Variants in EMC1 observed in about 807,000 individuals in gnomAD.
The protein encoded by EMC1 is ER membrane protein complex subunit 1, also known as KIAA0090.
A neutral mutation model predicts 128.8 loss-of-function variants in EMC1; 103 were observed. The ratio of observed to expected loss-of-function variants is 0.80; its 90% CI spans 0.68 to 0.94. The LOEUF is 0.94. Ranked by LOEUF, EMC1 falls within the 40% of genes least tolerant of loss-of-function variation. The pLI, the probability that EMC1 is intolerant of heterozygous loss-of-function variation, is 0.00. For synonymous variants in EMC1, 442 were observed against 490.4 expected (o/e 0.90, Z 1.30); for missense variants, 1,083 against 1,250.6 (o/e 0.87, Z 2.02).
Position 19,218,990 on chromosome 1 carries a change from A to AAAAAC in EMC1, c.*308_*312dup, listed in dbSNP as rs71716681. 91,507 of 212,926 alleles carry AAAAAC rather than the reference A, an allele frequency of 0.43. 20,968 individuals are homozygous for AAAAAC. Among genetic ancestry groups the AAAAAC allele is most frequent in the East Asian group, 0.69 (6,722 of 9,710 alleles). 13.2% of individuals were successfully genotyped at this position (212,926 alleles called of 1,614,324 possible). ...AAAATCAGCCGGAATTCTTATTAAAAAAAACAAAACAGAACATTCATGGAT... is the reference window on the plus strand; with the variant it reads ...AAAATCAGCCGGAATTCTTATTAAAAAAAACAAAACAAAACAGAACATTCATGGAT... On this transcript the variant is annotated 3_prime_UTR_variant, in exon 23 of 23. Transcript: ENST00000477853.
chr1:19,219,100 T>C lies in EMC1; in HGVS notation c.*203A>G. On this transcript the variant is annotated 3_prime_UTR_variant, in exon 23 of 23. Coordinates refer to ENST00000477853, the MANE Select transcript of EMC1 (RefSeq NM_015047.3). ...TCTCTGAGAGTGTCAGCTGAGAGAG[T>C]TCTGTCTCTCTCCATGTAGGATCCT... is the stretch of plus-strand genomic sequence containing the variant. 1 of 546,514 alleles carries C rather than the reference T, an allele frequency of 1.8e-6. No homozygotes were observed. The highest frequency in any genetic ancestry group is 3.3e-6 in the Non-Finnish European group (1 of 306,002). 33.9% of individuals were successfully genotyped at this position (546,514 alleles called of 1,614,324 possible). A position where few individuals can be genotyped will look rare whatever the true frequency, so the allele number is the denominator to read the frequency against.
chr1:19,239,739 A>G (rs2093592221), intron 8 of EMC1, 79 bp downstream of exon 8: 2 of 1,478,718 alleles, frequency 1.4e-6, no homozygotes, highest in South Asian at 2.4e-5. Context: ...ACGTTTCCAG[A>G]TTCAAAAGCA....
In EMC1 at chr1:19,239,842, C is replaced by T; in HGVS notation, c.930G>A (p.Leu310=). Residue 310 remains leucine, a synonymous_variant, in exon 8 of 23, where the codon CTG becomes CTA. Coordinates refer to ENST00000477853, the MANE Select transcript of EMC1 (RefSeq NM_015047.3). ...CCTGTGGGAAGTTTTTAAGCAAACT[C>T]AGCGTTCCATAATGGTACTGCAGCA... is the stretch of plus-strand genomic sequence containing the variant. The part of the protein sequence containing the change: ...YALLQYHYGT[L]SLLKNFPQTA... The T allele has an allele frequency of 1.2e-6, 2 of 1,613,976 alleles. No homozygotes were observed. Among genetic ancestry groups the T allele is most frequent in the Non-Finnish European group, 1.7e-6 (2 of 1,179,952 alleles).
intron 1 of EMC1, among the ~76,000 whole-genome samples, chr1:19,248,700 G>T (rs565247872): frequency 6.6e-6 from 1 of 151,936 alleles, no homozygotes; most frequent in African/African-American, 2.4e-5. Context: ...TTATAGGCGT[G>T]AGCCACCACG....
At position 19,219,492 on chromosome 1, in the gene EMC1, AGAT is replaced by A; in HGVS notation, c.2803-13_2803-11del. ...AACCATAGGCCACAACCTGGAAGGC[AGAT>A]GGAATAAGAATTAGGAAAGAAACAA... On this transcript the variant is annotated splice_polypyrimidine_tract_variant and intron_variant, in intron 22 of 22. Transcript: ENST00000477853. 1 of 1,614,062 alleles carries A rather than the reference AGAT, an allele frequency of 6.2e-7. No individual in the cohort carries two copies. The highest frequency in any genetic ancestry group is 8.5e-7 in the Non-Finnish European group (1 of 1,179,980).
At chr1:19,239,015 A>C (rs1238699390) in intron 9 of EMC1, among the ~76,000 whole-genome samples, 158 bp from the exon 10 acceptor site, 4 of 152,150 alleles carry the variant, frequency 2.6e-5, no homozygotes, top group Non-Finnish European at 5.9e-5. Flanking sequence ...ATAGCCCCAT[A>C]TGAAAGTAAG....
rs761543184 is a variant in EMC1 at position 19,243,683 on chromosome 1, C to T, written c.311G>A (p.Gly104Asp). ...AGTCTCCCAGGAACGCATGATTCGG[C>T]CTCCATTGGACACAGTGATCACATC... The part of the protein sequence containing the change: ...GQDVITVSNG[G>D]RIMRSWETNI... Residue 104 changes from glycine (G) to aspartate (D), a missense_variant, in exon 4 of 23, where the codon GGC (glycine) becomes GAC (aspartate). Gly to Asp is a moderately conservative substitution (Grantham distance 94). This residue lies in a region of EMC1 where 544 missense variants were observed against 572.4 expected (regional missense o/e 0.95). Coordinates refer to ENST00000477853, the MANE Select transcript of EMC1 (RefSeq NM_015047.3). 1.2e-6 allele frequency: 2 copies of T among 1,614,194 alleles called. No homozygotes were observed. Among genetic ancestry groups the T allele is most frequent in the South Asian group, 2.2e-5 (2 of 91,078 alleles).
At chr1:19,238,571 G>A (rs1345293529) in intron 10 of EMC1, among the ~76,000 whole-genome samples, 3 of 152,180 alleles carry the variant, frequency 2.0e-5, no homozygotes, top group Non-Finnish European at 4.4e-5. Context: ...GGGACGCTGA[G>A]GCCCAGAGGA....
chr1:19,244,858 T>C, intron 2 of EMC1, 48 bp downstream of exon 2: 1 of 1,608,398 alleles, frequency 6.2e-7, no homozygotes, highest in Non-Finnish European at 8.5e-7. Context: ...CAATGGTAAG[T>C]CTTTCATCCC....
intron 1 of EMC1, among the ~76,000 whole-genome samples, chr1:19,251,122 G>A (rs1036825121): frequency 2.0e-5 from 3 of 152,166 alleles, no homozygotes; most frequent in Admixed American, 1.3e-4. Context: ...CGAACCTGAC[G>A]AGGGAGGACG....
chr1:19,239,298 G>T lies in EMC1; in HGVS notation c.959C>A (p.Ala320Asp), dbSNP rs1263391055. The change falls in exon 9 of 23, where the codon GCC becomes GAC. Residue 320 changes from alanine to aspartate, a missense_variant. Ala to Asp is a moderately radical substitution (Grantham distance 126). This residue lies in a region of EMC1 where 544 missense variants were observed against 572.4 expected (regional missense o/e 0.95). Coordinates refer to ENST00000477853, the MANE Select transcript of EMC1 (RefSeq NM_015047.3). ...LSLLKNFPQT[A>D]LVSFATTGEK... ...CCCAGTGGTGGCAAAGCTCACTAGG[G>T]CAGTCTGGGGGAAAAGCAAGGCATC... 1 of 1,613,972 alleles carries T rather than the reference G, an allele frequency of 6.2e-7. No individual in the cohort carries two copies. Among genetic ancestry groups the T allele is most frequent in the African/African-American group, 1.3e-5 (1 of 74,934 alleles).
At position 19,224,625 on chromosome 1, in the gene EMC1, C is replaced by T. The variant is rs965463942; in HGVS notation, c.2203-1056G>A. Among the ~76,000 whole-genome samples the T allele has an allele frequency of 3.9e-5, 6 of 152,198 alleles. No homozygotes were observed. The South Asian group carries it at 8.3e-4, about 21-fold the overall frequency. ...CCAGCCACCATCAGCACCTGGATGA[C>T]CCCACAGCCTAAATGGTCTGCTTTC... is the stretch of plus-strand genomic sequence containing the variant. On this transcript the variant is annotated intron_variant, in intron 18 of 22. Transcript: ENST00000477853.
At chr1:19,247,254 G>A (rs1249812981) in intron 1 of EMC1, among the ~76,000 whole-genome samples, 2 of 152,202 alleles carry the variant, frequency 1.3e-5, no homozygotes, top group Non-Finnish European at 2.9e-5. Flanking sequence ...TGCCTAGGCT[G>A]GATTGAACTC....
At chr1:19,240,627 C>G (rs1185002928) in intron 6 of EMC1, 181 bp from the exon 7 acceptor site, 1 of 628,444 alleles carries the variant, frequency 1.6e-6, no homozygotes, top group Non-Finnish European at 2.7e-6. Flanking sequence ...TCCTGAGAGC[C>G]TTCAAAGTTG....
At chr1:19,232,600 T>G in intron 15 of EMC1, 24 bp downstream of exon 15, 7 of 1,613,622 alleles carry the variant, frequency 4.3e-6, no homozygotes, top group Non-Finnish European at 5.1e-6. Flanking sequence ...TGAGTCTGGC[T>G]CAAGTCAGAG....
rs764335549 is a variant in EMC1, at chr1:19,243,949, C to A, written c.286+1G>T. ...TGGAGACACGGGAGGACTCTGCTTA[C>A]CCTGTCCGTGCAGCAGCATGGCATC... On this transcript the variant is annotated splice_donor_variant, in intron 3 of 22. Transcript: ENST00000477853. LOFTEE classifies it high-confidence loss of function. 1 of 1,614,104 alleles carries A rather than the reference C, an allele frequency of 6.2e-7. No homozygotes were observed. Among genetic ancestry groups the A allele is most frequent in the South Asian group, 1.1e-5 (1 of 91,072 alleles).
At position 19,222,808 on chromosome 1, in the gene EMC1, C is replaced by G; in HGVS notation, c.2403G>C (p.Arg801=). 6 of 1,612,448 alleles carry G rather than the reference C, an allele frequency of 3.7e-6. No individual in the cohort carries two copies. The highest frequency in any genetic ancestry group is 5.1e-6 in the Non-Finnish European group (6 of 1,178,882). Residue 801 remains arginine, a synonymous_variant, in exon 20 of 23, where the codon CGG becomes CGC. Transcript: ENST00000477853. ...VVYQYWNTKA[R]RNEFTVLELY... ...GCTCCAGTACGGTAAACTCGTTGCG[C>G]CGAGCCTTGGTGTTCCAGTACTGGT... is the stretch of plus-strand genomic sequence containing the variant.
intron 12 of EMC1, 130 bp from the exon 13 acceptor site, chr1:19,235,382 A>G: frequency 1.1e-6 from 1 of 885,794 alleles, no homozygotes. Flanking sequence ...AGCCTGGACA[A>G]CAGGGCAAAA....
intron 12 of EMC1, among the ~76,000 whole-genome samples, 175 bp downstream of exon 12, chr1:19,236,967 C>CAA (rs35897979): frequency 2.7e-3 from 156 of 58,068 alleles, no homozygotes; most frequent in Middle Eastern, 9.8e-3. Flanking sequence ...GACTCTATCT[C>CAA]AAAAAAAAAA....
Sources: allele counts gnomAD v4.1 joint callset (sites outside exome capture counted in the v4.1 genomes callset), GRCh38; gene constraint gnomAD v4.1.1; regional missense constraint gnomAD v4.1.1; transcripts MANE v1.5; gene names NCBI Gene and HGNC (gene_info 2026-07-23, HGNC 2026-07-21).